STARD9: variants seen among roughly 807,000 people sequenced by gnomAD.
The protein encoded by STARD9 is stAR-related lipid transfer protein 9.
In STARD9, 346 loss-of-function variants were observed where a neutral mutation model predicts 399.8. The observed-to-expected ratio is 0.87, with a 90% confidence interval of 0.79 to 0.95. The LOEUF (loss-of-function observed/expected upper bound fraction) is 0.95. Ranked by LOEUF, STARD9 falls within the 40% of genes least tolerant of loss-of-function variation. The pLI, the probability that STARD9 is intolerant of heterozygous loss-of-function variation, is 0.00. For missense variants in STARD9, 5,832 were observed against 5,667.5 expected, an observed-to-expected ratio of 1.03 and a Z score of -0.93; for synonymous variants, 2,203 against 2,143.5, an observed-to-expected ratio of 1.03 and a Z score of -0.77.
At chr15:42,707,670 C>A (rs1327502456) in intron 26 of STARD9, among the ~76,000 whole-genome samples, 3 of 152,042 alleles carry the variant, frequency 2.0e-5, no homozygotes, top group Non-Finnish European at 4.4e-5. Context: ...CGGACTTTTA[C>A]TATGTTGACC....
chr15:42,654,128 T>C (rs1410543625), intron 9 of STARD9, among the ~76,000 whole-genome samples: 1 of 151,968 alleles, frequency 6.6e-6, no homozygotes, highest in Non-Finnish European at 1.5e-5. Context: ...CAACAGAAAT[T>C]AAAATGGTAC....
chr15:42,689,340 T>C lies in STARD9; in HGVS notation c.7762T>C (p.Ser2588Pro). 1 of 1,537,234 alleles carries C rather than the reference T, an allele frequency of 6.5e-7. No individual in the cohort carries two copies. The highest frequency in any genetic ancestry group is 8.7e-7 in the Non-Finnish European group (1 of 1,146,910). ...AACTTTACTAGAACCCGAATGTTCT[T>C]CAAGGGTTGCTGGCAGGCCTCAGTG... is the stretch of plus-strand genomic sequence containing the variant. ...CETLLEPECSSRVAGRPQCKQ... is the reference protein window; with the variant it reads ...CETLLEPECSPRVAGRPQCKQ... Residue 2588 changes from serine to proline, a missense_variant, in exon 23 of 33, where the codon TCA (serine) becomes CCA (proline). Ser to Pro is a moderately conservative substitution (Grantham distance 74, BLOSUM62 -1). This residue lies in a region of STARD9 where 5,828 missense variants were observed against 5,651.1 expected (regional missense o/e 1.03). Coordinates refer to ENST00000290607, the MANE Select transcript of STARD9 (RefSeq NM_020759.3).
chr15:42,629,119 A>G (rs1169052978), intron 3 of STARD9, among the ~76,000 whole-genome samples: 2 of 152,064 alleles, frequency 1.3e-5, no homozygotes, highest in Non-Finnish European at 2.9e-5. Context: ...TCCTGGGTGC[A>G]AGCAATCCTC....
At chr15:42,683,812 C>T (rs2060486322) in intron 22 of STARD9, among the ~76,000 whole-genome samples, 1 of 152,156 alleles carries the variant, frequency 6.6e-6, no homozygotes, top group Admixed American at 6.5e-5. Flanking sequence ...TTTGGTTCCT[C>T]ATAATACCAT....
chr15:42,706,477 G>T (rs1226255147), intron 26 of STARD9, among the ~76,000 whole-genome samples: 2 of 148,932 alleles, frequency 1.3e-5, no homozygotes, highest in Non-Finnish European at 3.0e-5. Flanking sequence ...TTGAGACAGT[G>T]TCTTGCTCTG....
rs1230761881 is a variant in STARD9 at position 42,718,531 on chromosome 15, T to C, written c.13842+17T>C. ...GCCAAAGAGGTGCCTGCCTTGGTGG[T>C]AAAGATGTTGTGGGAAGAACTTGGG... On this transcript the variant is annotated intron_variant, in intron 31 of 32. Transcript: ENST00000290607. 1.3e-6 allele frequency: 2 copies of C among 1,535,758 alleles called. No individual in the cohort carries two copies. Among genetic ancestry groups the C allele is most frequent in the Admixed American group, 2.0e-5 (1 of 50,982 alleles).
intron 3 of STARD9, among the ~76,000 whole-genome samples, chr15:42,611,164 A>G (rs1250075920): frequency 5.9e-5 from 9 of 152,108 alleles, no homozygotes; most frequent in African/African-American, 2.4e-5. Context: ...AAATCTTGCC[A>G]CCACCTGTTT....
intron 9 of STARD9, among the ~76,000 whole-genome samples, chr15:42,655,995 C>T (rs2059860993): frequency 6.6e-6 from 1 of 152,034 alleles, no homozygotes; most frequent in South Asian, 2.1e-4. Flanking sequence ...CACTGATTAT[C>T]AGGGAAATGC....
At chr15:42,657,577 G>A (rs963065526) in intron 9 of STARD9, among the ~76,000 whole-genome samples, 25 of 152,118 alleles carry the variant, frequency 1.6e-4, no homozygotes, top group African/African-American at 6.0e-4. Context: ...TCCAGTAGTA[G>A]GTAGATAACC....
chr15:42,584,568 G>A (rs2058236942), intron 2 of STARD9, among the ~76,000 whole-genome samples: 2 of 152,186 alleles, frequency 1.3e-5, no homozygotes, highest in African/African-American at 4.8e-5. Flanking sequence ...AGTTTATGAT[G>A]GCTAGTGGCA....
chr15:42,638,127 C>T (rs1281434339), intron 6 of STARD9, 40 bp downstream of exon 6: 1 of 1,500,804 alleles, frequency 6.7e-7, no homozygotes, highest in East Asian at 2.5e-5. Flanking sequence ...AGTAGTTCTT[C>T]TTCTACTCCA....
chr15:42,678,980 A>G (rs1195383806), intron 20 of STARD9, among the ~76,000 whole-genome samples: 1 of 152,208 alleles, frequency 6.6e-6, no homozygotes, highest in Non-Finnish European at 1.5e-5. Context: ...TCCTATGGCT[A>G]TGCAGGAAAC....
Position 42,617,244 on chromosome 15 carries a change from T to G in STARD9, c.235-17612T>G, listed in dbSNP as rs538486596. On this transcript the variant is annotated intron_variant, in intron 3 of 32. Transcript: ENST00000290607. Reference sequence around the variant, plus strand: ...ATTAGAGTGTCTGATTAGTTCAACATTATTTCACATATTTTGATTAATATA... The same window carrying G: ...ATTAGAGTGTCTGATTAGTTCAACAGTATTTCACATATTTTGATTAATATA... Among the ~76,000 whole-genome samples the G allele has an allele frequency of 3.2e-4, 48 of 152,354 alleles. No individual in the cohort carries two copies. The South Asian group carries it at 9.5e-3, about 30-fold the overall frequency.
Position 42,599,182 on chromosome 15 carries a change from C to T in STARD9, c.234+13545C>T, listed in dbSNP as rs138819618. ...CAGGTGCTCCACCTGCCTTGGCTTC[C>T]CAAAGTGCTGGGATTATGTGAGCCA... On this transcript the variant is annotated intron_variant, in intron 3 of 32. Transcript: ENST00000290607. 6.8e-3 allele frequency among the ~76,000 whole-genome samples: 1,032 copies of T among 152,294 alleles called. 7 individuals carry two copies. The highest frequency in any genetic ancestry group is 0.01 in the Non-Finnish European group (686 of 68,018).
At chr15:42,643,965 G>T (rs1325523255) in intron 7 of STARD9, among the ~76,000 whole-genome samples, 3 of 151,830 alleles carry the variant, frequency 2.0e-5, no homozygotes, top group Admixed American at 6.6e-5. Flanking sequence ...TTTGTTATAG[G>T]TATCTAGTTT....
rs192384708 is a variant in STARD9 at position 42,688,358 on chromosome 15, C to T, written c.6780C>T (p.His2260=). 9.1e-6 allele frequency: 14 copies of T among 1,536,750 alleles called. No homozygotes were observed. The highest frequency in any genetic ancestry group is 6.8e-5 in the African/African-American group (5 of 73,150). Residue 2260 remains histidine, a synonymous_variant, in exon 23 of 33, where the codon CAC becomes CAT. Coordinates refer to ENST00000290607, the MANE Select transcript of STARD9 (RefSeq NM_020759.3). ...TTCAGGAAAGCCAAGTAGCTGAACA[C>T]GTAAGTAGTTCCAACCAAGAAGAGC... The part of the protein sequence containing the change: ...KGFQESQVAE[H]VSSSNQEEPK...
rs1595794497 is a variant in STARD9 at position 42,695,131 on chromosome 15, C to A, written c.12963-9C>A. The stretch of plus-strand genomic sequence containing the variant: ...CACCATGTTCTTTCCACCCCGTGAT[C>A]TTCCTCAGGAGCCCAGAGTCAGTGT... On this transcript the variant is annotated splice_polypyrimidine_tract_variant and intron_variant, in intron 24 of 32. Coordinates refer to ENST00000290607, the MANE Select transcript of STARD9 (RefSeq NM_020759.3). The A allele has an allele frequency of 3.1e-5, 47 of 1,520,230 alleles. 1 individual carries two copies. In the East Asian group the frequency reaches 1.2e-3, roughly 37 times the overall value. The allele number at this position is 1,520,230 out of a possible 1,614,324, so 94.2% of individuals were successfully genotyped here.
intron 3 of STARD9, among the ~76,000 whole-genome samples, chr15:42,613,100 G>A (rs1961484311): frequency 6.6e-6 from 1 of 151,892 alleles, no homozygotes; most frequent in Admixed American, 6.6e-5. Flanking sequence ...GTCTTATGCT[G>A]GGAATATGGA....
chr15:42,694,365 C>T (rs775751415), intron 23 of STARD9, 23 bp downstream of exon 23: 27 of 1,533,712 alleles, frequency 1.8e-5, no homozygotes, highest in Admixed American at 5.9e-5. Context: ...AGCCTGGAGT[C>T]GGGAGGGGAA....
Sources: gnomAD v4.1 joint callset for allele counts (sites outside exome capture counted in the v4.1 genomes callset) on GRCh38, gnomAD v4.1.1 for gene constraint, gnomAD v4.1.1 regional missense constraint, MANE v1.5 for transcripts, NCBI Gene and HGNC (gene_info 2026-07-23, HGNC 2026-07-21) for gene names.